Variants in RAB5IF observed in about 807,000 individuals in gnomAD.
RAB5IF encodes GEL complex subunit OPTI.
A neutral mutation model predicts 20.3 loss-of-function variants in RAB5IF; 15 were observed. The ratio of observed to expected loss-of-function variants is 0.74; its 90% CI spans 0.50 to 1.14. The LOEUF (loss-of-function observed/expected upper bound fraction) is 1.14, where lower values mean the gene tolerates loss of function less well. RAB5IF is among the 50% of genes most tolerant of loss of function. The probability of loss-of-function intolerance (pLI) is 0.00; values close to 1 mark genes in which losing one functional copy is unlikely to be tolerated. For synonymous variants in RAB5IF, 67 were observed against 63.7 expected, an observed-to-expected ratio of 1.05 and a Z score of -0.25; for missense variants, 148 against 159.5, an observed-to-expected ratio of 0.93 and a Z score of 0.39.
At position 36,606,014 on chromosome 20, in the gene RAB5IF, A is replaced by G; in HGVS notation, c.63A>G (p.Lys21=). The G allele has an allele frequency of 6.5e-7, 1 of 1,530,180 alleles. No individual in the cohort carries two copies. The highest frequency in any genetic ancestry group is 8.8e-7 in the Non-Finnish European group (1 of 1,135,774). The allele number at this position is 1,530,180 out of a possible 1,614,324, so 94.8% of individuals were successfully genotyped here. ...CGCAGCTGGCCAACGGGGCCCTCAAAGTCTCCGTCTGGAGTAAGGTGCTGC... is the reference window on the plus strand; with the variant it reads ...CGCAGCTGGCCAACGGGGCCCTCAAGGTCTCCGTCTGGAGTAAGGTGCTGC... ...PQPQLANGAL[K]VSVWSKVLRS... The change falls in exon 1 of 4, where the codon AAA becomes AAG. Residue 21 remains lysine, a synonymous_variant. Transcript: ENST00000344795.
intron 3 of RAB5IF, among the ~76,000 whole-genome samples, chr20:36,611,629 C>G (rs1405056612): frequency 6.6e-6 from 1 of 151,750 alleles, no homozygotes; most frequent in Non-Finnish European, 1.5e-5. Context: ...AATGGGTAGC[C>G]AAGGTTTGAG....
chr20:36,611,222 C>G (rs2039105204), intron 3 of RAB5IF, among the ~76,000 whole-genome samples: 1 of 152,086 alleles, frequency 6.6e-6, no homozygotes. Flanking sequence ...AACTCCTGAC[C>G]TCAGGTGATC....
Position 36,609,694 on chromosome 20 carries a change from G to A in RAB5IF, c.312G>A (p.Thr104=), listed in dbSNP as rs778931408. The stretch of plus-strand genomic sequence containing the variant: ...AATATGGTGGCACGTGGGAGCTCAC[G>A]AAGGAAGGGTTTATGACCTCTTTTG... The part of the protein sequence containing the change: ...EEEYGGTWEL[T]KEGFMTSFAL... The change falls in exon 3 of 4, where the codon ACG becomes ACA. Residue 104 remains threonine (T), a synonymous_variant. Coordinates refer to ENST00000344795, the MANE Select transcript of RAB5IF (RefSeq NM_018840.5). The A allele has an allele frequency of 4.6e-5, 74 of 1,614,086 alleles. No individual in the cohort carries two copies. The highest frequency in any genetic ancestry group is 6.7e-5 in the East Asian group (3 of 44,906).
Position 36,607,762 on chromosome 20 carries a change from G to A in RAB5IF, c.162G>A (p.Val54=), listed in dbSNP as rs2038968968. ...VIYWFRQIIA[V]VLGVIWGVLP... is the part of the protein sequence containing the mutation. ...ACTGGTTCCGACAGATCATTGCTGTGGTCCTGGGTGTCATTTGGGGAGTTT... is the reference window on the plus strand; with the variant it reads ...ACTGGTTCCGACAGATCATTGCTGTAGTCCTGGGTGTCATTTGGGGAGTTT... The change falls in exon 2 of 4, where the codon GTG becomes GTA. Residue 54 remains valine (V), a synonymous_variant. Transcript: ENST00000344795. 1.9e-6 allele frequency: 3 copies of A among 1,614,080 alleles called. No homozygotes were observed. The South Asian group carries it at 3.3e-5, about 18-fold the overall frequency.
chr20:36,608,058 G>C, intron 2 of RAB5IF: 1 of 1,056,436 alleles, frequency 9.5e-7, no homozygotes, highest in Non-Finnish European at 1.3e-6. Context: ...TCATTCATGG[G>C]TCTAAAGTGA....
rs60975859 is a variant in RAB5IF at position 36,611,493 on chromosome 20, C to CAAAA, written c.349-498_349-495dup. Among the ~76,000 whole-genome samples, 233 of 46,516 alleles carry CAAAA rather than the reference C, an allele frequency of 5.0e-3. 2 individuals carry two copies. Among genetic ancestry groups the CAAAA allele is most frequent in the African/African-American group, 0.016 (224 of 14,428 alleles). 30.5% of individuals were successfully genotyped at this position (46,516 alleles called of 152,430 possible). The stretch of plus-strand genomic sequence containing the variant: ...GTACCTGTTGAGTCCCAGCAGGACT[C>CAAAA]AAAAAAAAAAAAAAAAAAAAAACCA... On this transcript the variant is annotated intron_variant, in intron 3 of 3. Transcript: ENST00000344795.
intron 2 of RAB5IF, among the ~76,000 whole-genome samples, chr20:36,608,556 CTTTTTTT>C (rs34058641): frequency 2.9e-5 from 3 of 104,886 alleles, no homozygotes; most frequent in Non-Finnish European, 4.0e-5. Context: ...CGGTCTCATT[CTTTTTTT>C]TTTTTTTTTT....
chr20:36,610,902 C>A (rs530889123), intron 3 of RAB5IF, among the ~76,000 whole-genome samples: 1 of 152,262 alleles, frequency 6.6e-6, no homozygotes, highest in East Asian at 1.9e-4. Flanking sequence ...TGGAGAGTAG[C>A]TGATAAAGGA....
rs1436702339 is a variant in RAB5IF at position 36,609,222 on chromosome 20, C to T, written c.219-379C>T. Among the ~76,000 whole-genome samples, 373 of 117,598 alleles carry T rather than the reference C, an allele frequency of 3.2e-3. 12 individuals carry two copies. The highest frequency in any genetic ancestry group is 0.012 in the African/African-American group (321 of 26,330). The allele number at this position is 117,598 out of a possible 152,430, so 77.1% of individuals were successfully genotyped here. A position where few individuals can be genotyped will look rare whatever the true frequency, so the allele number is the denominator to read the frequency against. Reference sequence around the variant, plus strand: ...ACACACGCACACACGCACACACGCACACACACACACACACACACACACACA... The same window carrying T: ...ACACACGCACACACGCACACACGCATACACACACACACACACACACACACA... On this transcript the variant is annotated intron_variant, in intron 2 of 3. Transcript: ENST00000344795.
chr20:36,609,255 AC>A (rs1277229979), intron 2 of RAB5IF, among the ~76,000 whole-genome samples: 27 of 116,498 alleles, frequency 2.3e-4, no homozygotes, highest in African/African-American at 9.2e-4. Context: ...ACACACACAC[AC>A]TATATATAGA....
chr20:36,606,633 G>A (rs1409968256), intron 1 of RAB5IF, among the ~76,000 whole-genome samples: 1 of 152,146 alleles, frequency 6.6e-6, no homozygotes, highest in Admixed American at 6.5e-5. Context: ...ACTTTGATAA[G>A]CATGAGTCAA....
At position 36,612,268 on chromosome 20, in the gene RAB5IF, T is replaced by C; in HGVS notation, c.*217T>C. 6.4e-7 allele frequency: 1 copy of C among 1,566,650 alleles called. No homozygotes were observed. Among genetic ancestry groups the C allele is most frequent in the African/African-American group, 1.4e-5 (1 of 74,068 alleles). On this transcript the variant is annotated 3_prime_UTR_variant, in exon 4 of 4. Transcript: ENST00000344795. ...ACCTTTGGGGAAGCATTTCTGAATT[T>C]ATCCATCACCAACCATTTCTTCTTG...
In RAB5IF at chr20:36,607,811, A is replaced by G; in HGVS notation, c.211A>G (p.Ile71Val). 10 of 1,613,728 alleles carry G rather than the reference A, an allele frequency of 6.2e-6. No homozygotes were observed. The highest frequency in any genetic ancestry group is 8.5e-6 in the Non-Finnish European group (10 of 1,179,756). The change falls in exon 2 of 4, where the codon ATA (isoleucine) becomes GTA (valine). Residue 71 changes from isoleucine to valine, a missense_variant. Physicochemically the swap from Ile to Val is conservative, Grantham distance 29. Coordinates refer to ENST00000344795, the MANE Select transcript of RAB5IF (RefSeq NM_018840.5). ...GVLPLRGFLG[I>V]AGFCLINAGV... Reference sequence around the variant, plus strand: ...TTTGCCATTACGAGGGTTCTTGGGAATAGCAGGGTAAGTCTTGGGTATCTT... The same window carrying G: ...TTTGCCATTACGAGGGTTCTTGGGAGTAGCAGGGTAAGTCTTGGGTATCTT...
chr20:36,607,604 G>C lies in RAB5IF; in HGVS notation c.115-111G>C, dbSNP rs1358164473. On this transcript the variant is annotated intron_variant, in intron 1 of 3. Transcript: ENST00000344795. Reference sequence around the variant, plus strand: ...AGGAAGCACATACTGTTGCCTTTGGGGGGAAACAAATTTCCTGGATATGTT... The same window carrying C: ...AGGAAGCACATACTGTTGCCTTTGGCGGGAAACAAATTTCCTGGATATGTT... The C allele has an allele frequency of 2.3e-6, 3 of 1,308,740 alleles. No individual in the cohort carries two copies. In the South Asian group the frequency reaches 3.9e-5, roughly 17 times the overall value. The allele number at this position is 1,308,740 out of a possible 1,614,324, so 81.1% of individuals were successfully genotyped here. A position where few individuals can be genotyped will look rare whatever the true frequency, so the allele number is the denominator to read the frequency against.
At chr20:36,606,268 A>G (rs917772400) in intron 1 of RAB5IF, among the ~76,000 whole-genome samples, 1 of 152,192 alleles carries the variant, frequency 6.6e-6, no homozygotes, top group African/African-American at 2.4e-5. Flanking sequence ...TGGCCTAAGG[A>G]TGAAGCCCCC....
chr20:36,611,044 C>T (rs994700983), intron 3 of RAB5IF, among the ~76,000 whole-genome samples: 1 of 152,184 alleles, frequency 6.6e-6, no homozygotes, highest in African/African-American at 2.4e-5. Flanking sequence ...GGCTGTAGTG[C>T]AGTGGCGCAG....
chr20:36,609,237 A>ACACACACC (rs2039039789), intron 2 of RAB5IF, among the ~76,000 whole-genome samples: 1 of 130,508 alleles, frequency 7.7e-6, no homozygotes, highest in Non-Finnish European at 1.6e-5. Flanking sequence ...ACACACACAC[A>ACACACACC]CACACACACA....
In RAB5IF at chr20:36,612,081, C is replaced by T. The variant is rs751651327; in HGVS notation, c.*30C>T. On this transcript the variant is annotated 3_prime_UTR_variant, in exon 4 of 4. Transcript: ENST00000344795. ...GTACAGCTCCCAAGTGCTCCCTATC[C>T]AGTCCAAAGGACCCTCTTGATTACA... 1.3e-5 allele frequency: 21 copies of T among 1,614,060 alleles called. No homozygotes were observed. Among genetic ancestry groups the T allele is most frequent in the Non-Finnish European group, 1.8e-5 (21 of 1,180,044 alleles).
Position 36,609,862 on chromosome 20 carries a change from G to A in RAB5IF, c.348+132G>A, listed in dbSNP as rs932643632. ...TTTTCTAAAGGCTTCTGAGGCTCAG[G>A]GCCATGGCCTGTGTTGAGCCACATC... On this transcript the variant is annotated intron_variant, in intron 3 of 3. Transcript: ENST00000344795. 7 of 1,530,412 alleles carry A rather than the reference G, an allele frequency of 4.6e-6. No individual in the cohort carries two copies. The East Asian group carries it at 1.4e-4, about 30-fold the overall frequency. 94.8% of individuals were successfully genotyped at this position (1,530,412 alleles called of 1,614,324 possible). A position where few individuals can be genotyped will look rare whatever the true frequency, so the allele number is the denominator to read the frequency against.
Sources: allele counts gnomAD v4.1 joint callset (sites outside exome capture counted in the v4.1 genomes callset), GRCh38; gene constraint gnomAD v4.1.1; transcripts MANE v1.5; gene names NCBI Gene and HGNC (gene_info 2026-07-23, HGNC 2026-07-21).